Variants in PLXNA1 observed in about 807,000 individuals in gnomAD.
PLXNA1 encodes plexin-A1.
PLXNA1 carries 77 observed loss-of-function variants against 191.7 expected under a neutral mutation model. The observed-to-expected ratio is 0.40, with a 90% confidence interval of 0.33 to 0.49. The LOEUF (loss-of-function observed/expected upper bound fraction) is 0.49. PLXNA1 is among the 20% of genes least tolerant of loss of function. The probability of loss-of-function intolerance (pLI) is 0.63; values close to 1 mark genes in which losing one functional copy is unlikely to be tolerated. For missense variants in PLXNA1, 2,110 were observed against 2,660.2 expected (o/e 0.79, Z 4.55); for synonymous variants, 1,137 against 1,156.4 (o/e 0.98, Z 0.34).
In PLXNA1 at chr3:127,028,172, C is replaced by G. The variant is rs114317796; in HGVS notation, c.4510-9C>G. 1 of 1,613,210 alleles carries G rather than the reference C, an allele frequency of 6.2e-7. No homozygotes were observed. The highest frequency in any genetic ancestry group is 1.1e-5 in the South Asian group (1 of 91,076). The stretch of plus-strand genomic sequence containing the variant: ...CTGACGCTGCCCCCTTGCTCCACCC[C>G]GCCCGCAGACCCTGAACTGTGTGAA... On this transcript the variant is annotated splice_polypyrimidine_tract_variant and intron_variant, in intron 24 of 31. Transcript: ENST00000393409.
Position 127,022,066 on chromosome 3 carries a change from G to T in PLXNA1, c.4039-19G>T. ...GGCTGGGTGCTTCTCTGTGGTCTGAGCTCTGTGTGCTCCCTCAGGTGCAGG... is the reference window on the plus strand; with the variant it reads ...GGCTGGGTGCTTCTCTGTGGTCTGATCTCTGTGTGCTCCCTCAGGTGCAGG... On this transcript the variant is annotated intron_variant, in intron 21 of 31. Coordinates refer to ENST00000393409, the MANE Select transcript of PLXNA1 (RefSeq NM_032242.4). 1 of 1,606,764 alleles carries T rather than the reference G, an allele frequency of 6.2e-7. No individual in the cohort carries two copies. Among genetic ancestry groups the T allele is most frequent in the Non-Finnish European group, 8.5e-7 (1 of 1,175,402 alleles).
chr3:127,010,962 A>C (rs983483935), intron 9 of PLXNA1, among the ~76,000 whole-genome samples: 3 of 152,148 alleles, frequency 2.0e-5, no homozygotes, highest in Admixed American at 1.3e-4. Flanking sequence ...AAGGAGTCTC[A>C]GTGCCCTGAG....
rs369090742 is a variant in PLXNA1 at position 127,020,914 on chromosome 3, C to G, written c.4038+570C>G. Among the ~76,000 whole-genome samples the G allele has an allele frequency of 3.7e-4, 56 of 152,326 alleles. No homozygotes were observed. In the East Asian group the frequency reaches 6.2e-3, roughly 17 times the overall value. ...GGTCTCAGAGAGTAGGGCTTTGCCCCGTAGACCTTGGCAGCGAGCCTGGCG... is the reference window on the plus strand; with the variant it reads ...GGTCTCAGAGAGTAGGGCTTTGCCCGGTAGACCTTGGCAGCGAGCCTGGCG... On this transcript the variant is annotated intron_variant, in intron 21 of 31. Transcript: ENST00000393409.
At chr3:127,025,547 C>T (rs1257993832) in intron 23 of PLXNA1, among the ~76,000 whole-genome samples, 1 of 152,198 alleles carries the variant, frequency 6.6e-6, no homozygotes, top group Admixed American at 6.5e-5. Flanking sequence ...TGGCCACCTG[C>T]TCCATGACTC....
intron 25 of PLXNA1, among the ~76,000 whole-genome samples, 162 bp downstream of exon 25, chr3:127,028,502 G>T (rs2079188431): frequency 6.6e-6 from 1 of 152,198 alleles, no homozygotes; most frequent in South Asian, 2.1e-4. Context: ...CCCAGGTTGG[G>T]TATAGAGGGT....
Position 127,005,186 on chromosome 3 carries a change from C to T in PLXNA1, c.1840C>T (p.Arg614Trp), listed in dbSNP as rs150750071. ...TESESVLEDG[R>W]IHCRSPSARE... ...ATCTGAGAGCGTCCTGGAGGATGGCCGGATCCACTGCCGCTCACCCTCCGC... is the reference window on the plus strand; with the variant it reads ...ATCTGAGAGCGTCCTGGAGGATGGCTGGATCCACTGCCGCTCACCCTCCGC... The change falls in exon 7 of 32, where the codon CGG becomes TGG. Residue 614 changes from arginine to tryptophan, a missense_variant. Physicochemically the swap from Arg to Trp is moderately radical, Grantham distance 101. This residue lies in a region of PLXNA1 where 903 missense variants were observed against 1,015.7 expected (regional missense o/e 0.89). Transcript: ENST00000393409. 9.9e-6 allele frequency: 16 copies of T among 1,612,292 alleles called. No individual in the cohort carries two copies. The highest frequency in any genetic ancestry group is 9.3e-5 in the African/African-American group (7 of 75,032).
At chr3:127,008,654 G>A (rs1445095862) in intron 9 of PLXNA1, among the ~76,000 whole-genome samples, 1 of 152,136 alleles carries the variant, frequency 6.6e-6, no homozygotes, top group Non-Finnish European at 1.5e-5. Context: ...CTTTGCTGTG[G>A]ACACTCCGCC....
intron 10 of PLXNA1, among the ~76,000 whole-genome samples, 167 bp from the exon 11 acceptor site, chr3:127,013,853 C>T (rs1311985265): frequency 6.6e-6 from 1 of 152,148 alleles, no homozygotes; most frequent in East Asian, 1.9e-4. Flanking sequence ...AGAGAGGGGG[C>T]TCTGGAGCCA....
At chr3:127,001,749 C>A (rs2079041861) in intron 3 of PLXNA1, among the ~76,000 whole-genome samples, 1 of 152,194 alleles carries the variant, frequency 6.6e-6, no homozygotes, top group African/African-American at 2.4e-5. Context: ...GTGGGCCTGG[C>A]CACCCTGGGT....
intron 1 of PLXNA1, among the ~76,000 whole-genome samples, chr3:126,984,040 C>T (rs2078945245): frequency 6.6e-6 from 1 of 152,198 alleles, no homozygotes; most frequent in Admixed American, 6.5e-5. Flanking sequence ...CAGGGTCAGC[C>T]GCTTCTCCCG....
At position 126,989,193 on chromosome 3, in the gene PLXNA1, A is replaced by G. The variant is rs2078976656; in HGVS notation, c.600A>G (p.Thr200=). The change falls in exon 2 of 32, where the codon ACA becomes ACG. Residue 200 remains threonine, a synonymous_variant. Transcript: ENST00000393409. ...PIDGKSEYFP[T]LSSRRLMANE... is the part of the protein sequence containing the mutation. ...ATGGCAAGTCCGAGTACTTCCCCAC[A>G]CTGTCCAGCCGTCGGCTCATGGCCA... is the stretch of plus-strand genomic sequence containing the variant. The G allele has an allele frequency of 1.2e-6, 2 of 1,613,392 alleles. No individual in the cohort carries two copies. Among genetic ancestry groups the G allele is most frequent in the African/African-American group, 1.3e-5 (1 of 74,934 alleles).
intron 24 of PLXNA1, 46 bp from the exon 25 acceptor site, chr3:127,028,135 C>T (rs960390943): frequency 6.2e-7 from 1 of 1,613,032 alleles, no homozygotes; most frequent in Admixed American, 1.7e-5. Context: ...CCCCCACCCC[C>T]CAGTTGTGGG....
chr3:127,004,408 G>A (rs1026250017), intron 4 of PLXNA1, among the ~76,000 whole-genome samples: 2 of 152,210 alleles, frequency 1.3e-5, no homozygotes, highest in Admixed American at 6.5e-5. Flanking sequence ...TCTGGCTGCT[G>A]CCCCCTGGGT....
intron 8 of PLXNA1, among the ~76,000 whole-genome samples, chr3:127,007,113 G>C (rs1214379094): frequency 1.3e-5 from 2 of 152,192 alleles, no homozygotes; most frequent in Non-Finnish European, 2.9e-5. Flanking sequence ...AGGCCTGGAG[G>C]GGGCCGAGGG....
chr3:127,019,919 C>T (rs2079144176), intron 20 of PLXNA1, among the ~76,000 whole-genome samples: 1 of 152,210 alleles, frequency 6.6e-6, no homozygotes, highest in Non-Finnish European at 1.5e-5. Flanking sequence ...CGCTTAACTG[C>T]CAGTGTCTGA....
intron 8 of PLXNA1, 107 bp downstream of exon 8, chr3:127,006,285 C>A: frequency 2.4e-6 from 2 of 844,466 alleles, no homozygotes; most frequent in Non-Finnish European, 4.0e-6. Flanking sequence ...CCTCATGTGG[C>A]CAGGCAGCAG....
chr3:127,012,662 C>T (rs1559960634), intron 10 of PLXNA1, among the ~76,000 whole-genome samples: 1 of 152,384 alleles, frequency 6.6e-6, no homozygotes, highest in Admixed American at 6.5e-5. Context: ...CACTAGCAGA[C>T]GGTTGTTGCC....
At position 127,009,910 on chromosome 3, in the gene PLXNA1, C is replaced by T. The variant is rs1049131530; in HGVS notation, c.2112+1997C>T. 5.2e-4 allele frequency among the ~76,000 whole-genome samples: 79 copies of T among 152,204 alleles called. 1 individual carries two copies. Among genetic ancestry groups the T allele is most frequent in the African/African-American group, 1.8e-3 (74 of 41,442 alleles). On this transcript the variant is annotated intron_variant, in intron 9 of 31. Transcript: ENST00000393409. ...GAGCTCATGAGACACGCTGAGAAGT[C>T]GGGACTTTCTCTTAGAAATGCCTGT...
In PLXNA1 at chr3:127,016,622, G is replaced by A. The variant is rs781499107; in HGVS notation, c.3120G>A (p.Val1040=). The A allele has an allele frequency of 1.9e-6, 3 of 1,613,920 alleles. No homozygotes were observed. The highest frequency in any genetic ancestry group is 2.2e-5 in the East Asian group (1 of 44,882). Residue 1040 remains valine, a synonymous_variant, in exon 16 of 32, where the codon GTG becomes GTA. Coordinates refer to ENST00000393409, the MANE Select transcript of PLXNA1 (RefSeq NM_032242.4). ...INRAQLTNPE[V]KYNYTEDPTI... ...GCGCCCAGCTCACCAACCCTGAGGTGAAGTACAACTACACCGAGGACCCCA... is the reference window on the plus strand; with the variant it reads ...GCGCCCAGCTCACCAACCCTGAGGTAAAGTACAACTACACCGAGGACCCCA...
Sources: gnomAD v4.1 joint callset for allele counts (sites outside exome capture counted in the v4.1 genomes callset) on GRCh38, gnomAD v4.1.1 for gene constraint, gnomAD v4.1.1 regional missense constraint, MANE v1.5 for transcripts, NCBI Gene and HGNC (gene_info 2026-07-23, HGNC 2026-07-21) for gene names.